CSMD1: variants seen among roughly 807,000 people sequenced by gnomAD.
The protein encoded by CSMD1 is CUB and Sushi multiple domains 1.
In CSMD1, 213 loss-of-function variants were observed where a neutral mutation model predicts 417.5. The ratio of observed to expected loss-of-function variants is 0.51; its 90% CI spans 0.46 to 0.57. CSMD1 has a LOEUF of 0.57. Ranked by LOEUF, CSMD1 falls within the 20% of genes least tolerant of loss-of-function variation. The pLI, the probability that CSMD1 is intolerant of heterozygous loss-of-function variation, is 0.00. For synonymous variants in CSMD1, 2,862 were observed against 1,736.8 expected (o/e 1.65, Z -16.11); for missense variants, 6,923 against 4,529.7 (o/e 1.53, Z -15.17).
At position 3,708,844 on chromosome 8, in the gene CSMD1, T is replaced by C. The variant is rs191668936; in HGVS notation, c.932-353A>G. The stretch of plus-strand genomic sequence containing the variant: ...GCAGATCACTCACTTCATGTATCTA[T>C]CCTGACTACAGAGTTGTCTAAGTTT... On this transcript the variant is annotated intron_variant, in intron 6 of 69. Transcript: ENST00000635120. Among the ~76,000 whole-genome samples the C allele has an allele frequency of 6.8e-3, 1,030 of 152,322 alleles. 28 individuals carry two copies. The highest frequency in any genetic ancestry group is 0.059 in the Admixed American group (906 of 15,302).
At chr8:4,042,312 T>G (rs751416560) in intron 3 of CSMD1, among the ~76,000 whole-genome samples, 1 of 152,138 alleles carries the variant, frequency 6.6e-6, no homozygotes, top group Non-Finnish European at 1.5e-5. Context: ...TAATGTTCTG[T>G]GTAGAGAGAC....
At chr8:4,462,521 G>A (rs773520852) in intron 2 of CSMD1, among the ~76,000 whole-genome samples, 2 of 151,948 alleles carry the variant, frequency 1.3e-5, no homozygotes, top group African/African-American at 2.4e-5. Flanking sequence ...ATATTCAAAG[G>A]ACTTAGAATA....
intron 3 of CSMD1, among the ~76,000 whole-genome samples, chr8:4,220,220 G>C (rs991358408): frequency 1.3e-5 from 2 of 152,074 alleles, no homozygotes; most frequent in African/African-American, 4.8e-5. Context: ...CAGAGTGCCG[G>C]GATTAGAGGC....
At chr8:4,314,155 C>A (rs1353195826) in intron 3 of CSMD1, among the ~76,000 whole-genome samples, 3 of 152,182 alleles carry the variant, frequency 2.0e-5, no homozygotes, top group Non-Finnish European at 4.4e-5. Flanking sequence ...CATCCGAAGT[C>A]TAAAGGCTTA....
chr8:4,394,787 C>T (rs553822896), intron 3 of CSMD1, among the ~76,000 whole-genome samples: 4 of 152,260 alleles, frequency 2.6e-5, no homozygotes, highest in African/African-American at 7.2e-5. Flanking sequence ...GTTGATGCAG[C>T]CTCACCTTAG....
intron 37 of CSMD1, among the ~76,000 whole-genome samples, chr8:3,173,337 A>G (rs1820699785): frequency 6.6e-6 from 1 of 152,204 alleles, no homozygotes; most frequent in Non-Finnish European, 1.5e-5. Flanking sequence ...TGTAAGACAG[A>G]AGCCAGAATT....
At chr8:4,035,894 C>T (rs760606161) in intron 3 of CSMD1, among the ~76,000 whole-genome samples, 2 of 152,140 alleles carry the variant, frequency 1.3e-5, no homozygotes, top group South Asian at 2.1e-4. Context: ...CACAGTCACC[C>T]CTCACTCACA....
chr8:4,241,147 C>G (rs531075253), intron 3 of CSMD1, among the ~76,000 whole-genome samples: 18 of 152,144 alleles, frequency 1.2e-4, no homozygotes, highest in Admixed American at 1.2e-3. Context: ...GATGGCCCTA[C>G]AGCTTGTCTT....
intron 3 of CSMD1, among the ~76,000 whole-genome samples, chr8:4,320,606 G>C (rs1007453438): frequency 1.3e-5 from 2 of 152,130 alleles, no homozygotes; most frequent in Non-Finnish European, 2.9e-5. Context: ...AGAACATGCG[G>C]TGTTTGGCTT....
intron 3 of CSMD1, among the ~76,000 whole-genome samples, chr8:4,113,396 T>TG (rs1176751624): frequency 8.3e-6 from 1 of 121,016 alleles, no homozygotes; most frequent in African/African-American, 2.9e-5. Context: ...AGGGCTTTTT[T>TG]TTTTTTTTTT....
At chr8:3,248,963 G>T (rs879419889) in intron 26 of CSMD1, among the ~76,000 whole-genome samples, 1 of 151,864 alleles carries the variant, frequency 6.6e-6, no homozygotes, top group Non-Finnish European at 1.5e-5. Flanking sequence ...ACTCCACCTC[G>T]GTCTGCTTTT....
intron 38 of CSMD1, among the ~76,000 whole-genome samples, chr8:3,158,426 G>A (rs559639384): frequency 4.0e-5 from 6 of 151,830 alleles, no homozygotes; most frequent in Admixed American, 2.6e-4. Flanking sequence ...CTGTGCTTCC[G>A]CGTCACATGA....
chr8:3,786,953 C>T lies in CSMD1; in HGVS notation c.819-32911G>A, dbSNP rs557334090. On this transcript the variant is annotated intron_variant, in intron 5 of 69. Coordinates refer to ENST00000635120, the MANE Select transcript of CSMD1 (RefSeq NM_033225.6). ...TCAACCCAGGAATTTGGATGGACAC[C>T]GGCATTCAATCCTCATCATCTAGAT... Among the ~76,000 whole-genome samples the T allele has an allele frequency of 9.9e-5, 15 of 152,152 alleles. No homozygotes were observed. The East Asian group carries it at 1.9e-3, about 20-fold the overall frequency.
intron 7 of CSMD1, among the ~76,000 whole-genome samples, chr8:3,684,576 G>C (rs1030687977): frequency 6.8e-6 from 1 of 147,970 alleles, no homozygotes; most frequent in East Asian, 2.0e-4. Context: ...GTTGAACCCA[G>C]TTGCAGATAC....
At chr8:3,565,448 G>A (rs73658194) in intron 10 of CSMD1, among the ~76,000 whole-genome samples, 16,181 of 152,114 alleles carry the variant, frequency 0.11, 1,146 homozygotes, top group African/African-American at 0.19. Context: ...CCACCAATCC[G>A]TGAATCGCCT....
intron 4 of CSMD1, among the ~76,000 whole-genome samples, chr8:4,027,042 T>C (rs1455171598): frequency 5.9e-5 from 9 of 152,228 alleles, no homozygotes; most frequent in Middle Eastern, 3.4e-3. Context: ...AACACAGAAC[T>C]TGGAAAAGAA....
intron 3 of CSMD1, among the ~76,000 whole-genome samples, chr8:4,058,791 G>C (rs948071954): frequency 1.3e-5 from 2 of 149,558 alleles, no homozygotes; most frequent in African/African-American, 5.0e-5. Context: ...GATTCATAAA[G>C]CAAGTCCTGA....
rs1802898706 is a variant in CSMD1, at chr8:4,637,567, G to C, written c.86-9C>G. ...GCCTCCACAGTTCTGACCTGGAAGA[G>C]AAAACACACACAAAAAAGCATATTA... On this transcript the variant is annotated splice_polypyrimidine_tract_variant and intron_variant, in intron 1 of 69. Transcript: ENST00000635120. The C allele has an allele frequency of 1.3e-6, 2 of 1,503,696 alleles. No individual in the cohort carries two copies. The highest frequency in any genetic ancestry group is 1.8e-6 in the Non-Finnish European group (2 of 1,110,600). 93.1% of individuals were successfully genotyped at this position (1,503,696 alleles called of 1,614,324 possible). A position where few individuals can be genotyped will look rare whatever the true frequency, so the allele number is the denominator to read the frequency against.
chr8:3,540,635 T>C (rs994987513), intron 10 of CSMD1, among the ~76,000 whole-genome samples: 2 of 152,156 alleles, frequency 1.3e-5, no homozygotes, highest in Non-Finnish European at 2.9e-5. Context: ...TCTATCCATC[T>C]GACAAAGGGC....
Sources: gnomAD v4.1 joint callset for allele counts (sites outside exome capture counted in the v4.1 genomes callset) on GRCh38, gnomAD v4.1.1 for gene constraint, MANE v1.5 for transcripts, NCBI Gene and HGNC (gene_info 2026-07-23, HGNC 2026-07-21) for gene names.